The following ZNF682 variants were observed in gnomAD, a reference collection of about 807,000 sequenced individuals.
The protein encoded by ZNF682 is zinc finger protein 682.
ZNF682 carries 29 observed loss-of-function variants against 36.5 expected under a neutral mutation model. The observed-to-expected ratio is 0.80, with a 90% CI of 0.59 to 1.08. The LOEUF (loss-of-function observed/expected upper bound fraction) is 1.08. Among genes scored for constraint, ZNF682 ranks in the 50% least tolerant of loss-of-function variants. The pLI, the probability that ZNF682 is intolerant of heterozygous loss-of-function variation, is 0.00. For missense variants in ZNF682, 561 were observed against 579.7 expected, an observed-to-expected ratio of 0.97 and a Z score of 0.33; for synonymous variants, 180 against 197.0, an observed-to-expected ratio of 0.91 and a Z score of 0.72.
chr19:19,997,365 A>G (rs1348331255), intron 3 of ZNF682: 1 of 397,858 alleles, frequency 2.5e-6, no homozygotes, highest in Non-Finnish European at 4.4e-6. Flanking sequence ...GAAGTGGGTG[A>G]CCTCAATGGT....
chr19:20,027,926 C>T (rs1449277556), intron 1 of ZNF682, among the ~76,000 whole-genome samples: 2 of 152,036 alleles, frequency 1.3e-5, no homozygotes, highest in East Asian at 3.9e-4. Context: ...CTCACACACA[C>T]AAAAAGGCTG....
chr19:20,026,147 C>T (rs1387495901), intron 1 of ZNF682, among the ~76,000 whole-genome samples: 2 of 151,896 alleles, frequency 1.3e-5, no homozygotes, highest in Non-Finnish European at 2.9e-5. Context: ...CTGAAAAATA[C>T]AAAAAATTAG....
intron 3 of ZNF682, among the ~76,000 whole-genome samples, chr19:20,016,118 C>G (rs2088332658): frequency 6.6e-6 from 1 of 152,092 alleles, no homozygotes; most frequent in African/African-American, 2.4e-5. Flanking sequence ...CAACACCAGC[C>G]TGGACAACAT....
chr19:20,035,588 G>A (rs560322868), intron 1 of ZNF682, among the ~76,000 whole-genome samples: 3 of 151,838 alleles, frequency 2.0e-5, no homozygotes, highest in Non-Finnish European at 4.4e-5. Context: ...TAGTCATAAC[G>A]TATGTAGTAT....
chr19:20,034,857 G>A (rs1237366524), intron 1 of ZNF682, among the ~76,000 whole-genome samples: 1 of 152,152 alleles, frequency 6.6e-6, no homozygotes, highest in Non-Finnish European at 1.5e-5. Flanking sequence ...AGCACTTTGG[G>A]AGGCTGAGGC....
chr19:20,020,842 A>G (rs540368198), intron 3 of ZNF682, among the ~76,000 whole-genome samples: 1 of 152,354 alleles, frequency 6.6e-6, no homozygotes, highest in African/African-American at 2.4e-5. Context: ...CCTCAGCTCT[A>G]TGGGTAATCT....
chr19:20,005,971 T>C lies in ZNF682; in HGVS notation c.*34A>G. 1 of 1,540,526 alleles carries C rather than the reference T, an allele frequency of 6.5e-7. No individual in the cohort carries two copies. Among genetic ancestry groups the C allele is most frequent in the East Asian group, 2.3e-5 (1 of 44,244 alleles). On this transcript the variant is annotated 3_prime_UTR_variant, in exon 4 of 4. Transcript: ENST00000397165. ...AGATTTATGGAATTTGCCACATTCT[T>C]TACATTTGTAGGATTTCTCTTTAGT...
chr19:19,995,440 A>G (rs1463725664), downstream of ZNF682, among the ~76,000 whole-genome samples: 1 of 152,178 alleles, frequency 6.6e-6, no homozygotes, highest in Admixed American at 6.5e-5. Context: ...AGGCTTAGTC[A>G]TGAGGGCCTT....
At chr19:20,030,161 C>T (rs1200964357) in intron 1 of ZNF682, among the ~76,000 whole-genome samples, 2 of 152,002 alleles carry the variant, frequency 1.3e-5, no homozygotes, top group African/African-American at 2.4e-5. Context: ...ACCCAATTCC[C>T]TGTCTATTTT....
chr19:20,028,762 T>C (rs1383577089), intron 1 of ZNF682, among the ~76,000 whole-genome samples: 4 of 152,216 alleles, frequency 2.6e-5, no homozygotes, highest in Non-Finnish European at 5.9e-5. Context: ...TCTGAGTAAG[T>C]CTGCATTTGG....
intron 3 of ZNF682, among the ~76,000 whole-genome samples, chr19:20,009,928 G>C (rs1284633125): frequency 1.3e-5 from 2 of 151,962 alleles, no homozygotes; most frequent in Non-Finnish European, 2.9e-5. Flanking sequence ...GCTGAGGCAC[G>C]AGAATTGCTT....
intron 1 of ZNF682, among the ~76,000 whole-genome samples, chr19:20,038,261 C>T (rs958920111): frequency 1.3e-5 from 2 of 151,034 alleles, no homozygotes; most frequent in African/African-American, 4.9e-5. Context: ...CTGCTTTCAT[C>T]TCCTGTAAAA....
Position 20,006,174 on chromosome 19 carries a change from T to A in ZNF682, c.1328A>T (p.His443Leu), listed in dbSNP as rs370479013. 1.2e-6 allele frequency: 2 copies of A among 1,613,164 alleles called. No homozygotes were observed. The highest frequency in any genetic ancestry group is 1.7e-6 in the Non-Finnish European group (2 of 1,179,228). ...TTTGACGGCAGTATGAATTTTCTTATGTCTAGTAAGGTGTGAGCACCGATT... is the reference window on the plus strand; with the variant it reads ...TTTGACGGCAGTATGAATTTTCTTAAGTCTAGTAAGGTGTGAGCACCGATT... The part of the protein sequence containing the change: ...AFNRCSHLTR[H>L]KKIHTAVKRY... The change falls in exon 4 of 4, where the codon CAT becomes CTT. Residue 443 changes from histidine (H) to leucine (L), a missense_variant. Coordinates refer to ENST00000397165, the MANE Select transcript of ZNF682 (RefSeq NM_033196.3).
intron 1 of ZNF682, among the ~76,000 whole-genome samples, chr19:20,027,134 T>A (rs951752142): frequency 1.3e-5 from 2 of 152,192 alleles, no homozygotes; most frequent in African/African-American, 4.8e-5. Flanking sequence ...TCAGGTGATA[T>A]TATCTGGAAA....
intron 3 of ZNF682, among the ~76,000 whole-genome samples, chr19:20,008,937 C>T (rs2088255509): frequency 1.3e-5 from 2 of 152,074 alleles, no homozygotes; most frequent in African/African-American, 4.8e-5. Flanking sequence ...CTAGACAGAA[C>T]CTCTGCCCTC....
chr19:20,023,247 C>T (rs903297990), intron 2 of ZNF682, 148 bp from the exon 3 acceptor site: 2 of 650,594 alleles, frequency 3.1e-6, no homozygotes, highest in Non-Finnish European at 4.9e-6. Context: ...ACCTGTAATC[C>T]CAACATTTTG....
intron 3 of ZNF682, among the ~76,000 whole-genome samples, chr19:19,998,082 C>G (rs1411925885): frequency 2.0e-5 from 3 of 152,172 alleles, no homozygotes. Context: ...CCTGGTGGAC[C>G]CAACATGTGG....
chr19:20,022,183 A>T (rs2088390240), intron 3 of ZNF682, among the ~76,000 whole-genome samples: 1 of 150,896 alleles, frequency 6.6e-6, no homozygotes, highest in Admixed American at 6.6e-5. Flanking sequence ...AAAAAAAAAA[A>T]TTATTAAAAA....
At chr19:20,020,620 T>C (rs2088375221) in intron 3 of ZNF682, among the ~76,000 whole-genome samples, 2 of 152,228 alleles carry the variant, frequency 1.3e-5, no homozygotes, top group Non-Finnish European at 1.5e-5. Context: ...TGCATCTCCA[T>C]GTTCATTTCA....
Sources: gnomAD v4.1 joint callset for allele counts (sites outside exome capture counted in the v4.1 genomes callset) on GRCh38, gnomAD v4.1.1 for gene constraint, MANE v1.5 for transcripts, NCBI Gene and HGNC (gene_info 2026-07-23, HGNC 2026-07-21) for gene names.